Variants in MAEA observed in about 807,000 individuals in gnomAD.
MAEA encodes macrophage erythroblast attacher, E3 ubiquitin ligase.
In MAEA, 22 loss-of-function variants were observed where a neutral mutation model predicts 46.2. That is an observed-to-expected ratio of 0.48 (90% CI 0.34 to 0.68). The LOEUF (loss-of-function observed/expected upper bound fraction) is 0.68. Among genes scored for constraint, MAEA ranks in the 30% least tolerant of loss-of-function variants. The pLI is 0.01. For synonymous variants in MAEA, 246 were observed against 222.6 expected (o/e 1.11, Z -0.94); for missense variants, 393 against 558.1 (o/e 0.70, Z 2.98).
chr4:1,302,565 C>T (rs180810812), intron 1 of MAEA, among the ~76,000 whole-genome samples: 117 of 152,308 alleles, frequency 7.7e-4, no homozygotes, highest in African/African-American at 2.3e-3. Flanking sequence ...CTGCAAGCTC[C>T]GCTTCCCGGG....
chr4:1,316,205 A>G (rs1737146220), intron 3 of MAEA, among the ~76,000 whole-genome samples: 2 of 152,148 alleles, frequency 1.3e-5, no homozygotes, highest in Admixed American at 1.3e-4. Flanking sequence ...CCCTGTAGAA[A>G]CACGTGGCAC....
At chr4:1,298,202 C>A in intron 1 of MAEA, 1 of 399,854 alleles carries the variant, frequency 2.5e-6, no homozygotes, top group South Asian at 1.8e-5. Flanking sequence ...CCCTGTCTGT[C>A]GCCTGCCTGC....
At chr4:1,323,797 G>A (rs1738446650) in intron 4 of MAEA, among the ~76,000 whole-genome samples, 1 of 152,268 alleles carries the variant, frequency 6.6e-6, no homozygotes, top group Non-Finnish European at 1.5e-5. Context: ...GCTGGAGGGT[G>A]TTGGAGGCTT....
chr4:1,321,105 A>C (rs774757220), intron 3 of MAEA, among the ~76,000 whole-genome samples: 4 of 152,068 alleles, frequency 2.6e-5, no homozygotes, highest in Non-Finnish European at 5.9e-5. Flanking sequence ...GTCTCAAAAA[A>C]ACAAACAAAA....
At chr4:1,333,228 C>T (rs1712079740) in intron 6 of MAEA, among the ~76,000 whole-genome samples, 1 of 152,010 alleles carries the variant, frequency 6.6e-6, no homozygotes, top group Admixed American at 6.6e-5. Context: ...TATAGTCCAG[C>T]TACCCAGGAG....
At chr4:1,322,946 T>G (rs1286169120) in intron 4 of MAEA, among the ~76,000 whole-genome samples, 1 of 102,776 alleles carries the variant, frequency 9.7e-6, no homozygotes, top group East Asian at 3.7e-4. Flanking sequence ...ATACCCACTT[T>G]TTTTTTTTTT....
chr4:1,294,291 C>T (rs1315376608), intron 1 of MAEA, among the ~76,000 whole-genome samples: 1 of 152,248 alleles, frequency 6.6e-6, no homozygotes, highest in Non-Finnish European at 1.5e-5. Context: ...CGCGCTGGCA[C>T]AGGTCTTCCC....
intron 1 of MAEA, among the ~76,000 whole-genome samples, chr4:1,291,411 C>T (rs1038174905): frequency 3.3e-5 from 5 of 152,158 alleles, no homozygotes; most frequent in African/African-American, 7.2e-5. Context: ...CTTGCTAGAT[C>T]CCTCCAAGAT....
intron 6 of MAEA, chr4:1,334,726 G>T (rs1712522611): frequency 1.0e-5 from 3 of 288,998 alleles, no homozygotes; most frequent in Non-Finnish European, 1.5e-5. Context: ...GGGCCCCGTT[G>T]CCATGGGTCA....
At chr4:1,312,194 G>A (rs147208301) in intron 2 of MAEA, 33 bp downstream of exon 2, 10 of 1,612,080 alleles carry the variant, frequency 6.2e-6, no homozygotes, top group Non-Finnish European at 8.5e-6. Context: ...TCTTCAGTCT[G>A]GGGCATGGAC....
intron 3 of MAEA, among the ~76,000 whole-genome samples, chr4:1,319,664 A>AGTTC (rs1250140572): frequency 1.3e-5 from 2 of 152,046 alleles, no homozygotes; most frequent in African/African-American, 2.4e-5. Flanking sequence ...TGAGCCCAGG[A>AGTTC]ATTTGAGGCA....
intron 3 of MAEA, among the ~76,000 whole-genome samples, chr4:1,322,172 C>T (rs148246292): frequency 5.6e-4 from 85 of 152,262 alleles, no homozygotes; most frequent in South Asian, 1.7e-3. Flanking sequence ...CGTGAGCGTC[C>T]GACCTTTTGG....
At chr4:1,312,423 A>T (rs1160393951) in intron 2 of MAEA, 191 of 171,868 alleles carry the variant, frequency 1.1e-3, no homozygotes, top group East Asian at 2.5e-3. Flanking sequence ...AGGTTGATTG[A>T]TTTTTTTTTT....
At chr4:1,303,801 A>C (rs1188201684) in intron 1 of MAEA, among the ~76,000 whole-genome samples, 42 of 152,108 alleles carry the variant, frequency 2.8e-4, no homozygotes, top group Non-Finnish European at 1.5e-5. Context: ...AAAATTGGTA[A>C]AATTAAAAAT....
At chr4:1,323,587 C>T in intron 4 of MAEA, 1 of 702,498 alleles carries the variant, frequency 1.4e-6, no homozygotes, top group East Asian at 2.7e-5. Context: ...GTATGGAAAC[C>T]CTAAAAGGAA....
intron 5 of MAEA, 57 bp downstream of exon 5, chr4:1,327,760 C>T (rs933670545): frequency 3.1e-5 from 46 of 1,479,792 alleles, no homozygotes; most frequent in Admixed American, 6.7e-5. Flanking sequence ...GGCTGCGGCC[C>T]CTGCCAGCCC....
rs897691265 is a variant in MAEA, at chr4:1,310,982, G to A, written c.70-997G>A. 1.8e-4 allele frequency among the ~76,000 whole-genome samples: 28 copies of A among 152,376 alleles called. 2 individuals carry two copies. In the East Asian group the frequency reaches 2.9e-3, roughly 16 times the overall value. On this transcript the variant is annotated intron_variant, in intron 1 of 8. Transcript: ENST00000303400. ...CTCACTGCAGCCCTGCCTTCCTCAC[G>A]TGGCCTCACGGCTAAGCACAGTGGC...
intron 4 of MAEA, among the ~76,000 whole-genome samples, chr4:1,323,799 TG>T: frequency 6.6e-6 from 1 of 152,352 alleles, no homozygotes; most frequent in East Asian, 1.9e-4. Flanking sequence ...TGGAGGGTGT[TG>T]GAGGCTTGCC....
chr4:1,338,943 G>C, intron 8 of MAEA, 131 bp from the exon 9 acceptor site: 1 of 771,620 alleles, frequency 1.3e-6, no homozygotes, highest in Non-Finnish European at 2.2e-6. Flanking sequence ...TTTGGCAGGT[G>C]TGCCTTCGGG....
Sources: gnomAD v4.1 joint callset for allele counts (sites outside exome capture counted in the v4.1 genomes callset) on GRCh38, gnomAD v4.1.1 for gene constraint, MANE v1.5 for transcripts, NCBI Gene and HGNC (gene_info 2026-07-23, HGNC 2026-07-21) for gene names.